ABCG2: variants seen among roughly 807,000 people sequenced by gnomAD.
ABCG2 encodes the protein broad substrate specificity ATP-binding cassette transporter ABCG2.
Under a neutral mutation model 73.5 loss-of-function variants are expected in ABCG2, and 80 were observed. The ratio of observed to expected loss-of-function variants is 1.09; its 90% CI spans 0.91 to 1.31. The LOEUF (loss-of-function observed/expected upper bound fraction) is 1.31, where lower values mean the gene tolerates loss of function less well. Ranked by LOEUF, ABCG2 falls within the 50% of genes most tolerant of loss-of-function variation. The pLI is 0.00. For missense variants in ABCG2, 796 were observed against 786.2 expected, an observed-to-expected ratio of 1.01 and a Z score of -0.15; for synonymous variants, 269 against 282.4, an observed-to-expected ratio of 0.95 and a Z score of 0.48.
At chr4:88,123,812 A>C (rs1211615989) in intron 5 of ABCG2, among the ~76,000 whole-genome samples, 1 of 152,188 alleles carries the variant, frequency 6.6e-6, no homozygotes, top group Non-Finnish European at 1.5e-5. Flanking sequence ...GGAAATAAAG[A>C]GAACAGCACA....
chr4:88,131,840 G>T lies in ABCG2; in HGVS notation c.341C>A (p.Pro114His), dbSNP rs1724901463. 24 of 1,613,780 alleles carry T rather than the reference G, an allele frequency of 1.5e-5. No individual in the cohort carries two copies. Among genetic ancestry groups the T allele is most frequent in the Non-Finnish European group, 2.0e-5 (24 of 1,179,960 alleles). Residue 114 changes from proline to histidine, a missense_variant, in exon 4 of 16, where the codon CCT (proline) becomes CAT (histidine). By Grantham distance (77) the Pro-to-His change is moderately conservative. Transcript: ENST00000237612. ...ACCTGAATTACATTTGAAATTGGCA[G>T]GTCGCGGTGCTCCATTTATCAGAAC... Reference protein sequence around the residue: ...GDVLINGAPRPANFKCNSGYV... With the variant: ...GDVLINGAPRHANFKCNSGYV...
In ABCG2 at chr4:88,131,127, A is replaced by G. The variant is rs1254569164; in HGVS notation, c.465T>C (p.His155=). 1.9e-6 allele frequency: 3 copies of G among 1,613,872 alleles called. No individual in the cohort carries two copies. The highest frequency in any genetic ancestry group is 2.2e-5 in the East Asian group (1 of 44,874). Residue 155 remains histidine, a synonymous_variant, in exon 5 of 16, where the codon CAT becomes CAC. Transcript: ENST00000237612. The part of the protein sequence containing the change: ...ALRLATTMTN[H]EKNERINRVI... Reference sequence around the variant, plus strand: ...CCCTGTTAATCCGTTCGTTTTTTTCATGATTCGTCATAGTTGTTGCAAGCC... The same window carrying G: ...CCCTGTTAATCCGTTCGTTTTTTTCGTGATTCGTCATAGTTGTTGCAAGCC...
At chr4:88,189,377 G>A (rs935001797) in intron 1 of ABCG2, among the ~76,000 whole-genome samples, 4 of 152,162 alleles carry the variant, frequency 2.6e-5, no homozygotes, top group Admixed American at 1.3e-4. Context: ...AGCTGAGCAT[G>A]GTGGCACATG....
At chr4:88,149,732 C>T (rs985752067) in intron 1 of ABCG2, among the ~76,000 whole-genome samples, 2 of 152,046 alleles carry the variant, frequency 1.3e-5, no homozygotes, top group East Asian at 1.9e-4. Flanking sequence ...ATGCCTGTAA[C>T]CCCAGCCACT....
At chr4:88,211,478 G>A (rs1029802579) in intron 1 of ABCG2, among the ~76,000 whole-genome samples, 1 of 151,646 alleles carries the variant, frequency 6.6e-6, no homozygotes, top group Non-Finnish European at 1.5e-5. Flanking sequence ...GTGCAATGGC[G>A]CGATCTCCGC....
intron 1 of ABCG2, among the ~76,000 whole-genome samples, chr4:88,171,386 G>A (rs1439589196): frequency 1.3e-5 from 2 of 148,966 alleles, no homozygotes; most frequent in Non-Finnish European, 3.0e-5. Flanking sequence ...GAACTAAAGA[G>A]ATGACTTAAA....
intron 1 of ABCG2, among the ~76,000 whole-genome samples, chr4:88,205,144 G>A (rs1052119168): frequency 6.6e-6 from 1 of 152,172 alleles, no homozygotes; most frequent in African/African-American, 2.4e-5. Context: ...AATGTCTAAT[G>A]AATTCCTGTA....
intron 9 of ABCG2, among the ~76,000 whole-genome samples, chr4:88,107,489 T>C (rs1722842281): frequency 6.6e-6 from 1 of 151,818 alleles, no homozygotes; most frequent in African/African-American, 2.4e-5. Context: ...TTGGGGAGAG[T>C]GGTAGGACAC....
At chr4:88,169,413 T>TGCA (rs1287243214) in intron 1 of ABCG2, among the ~76,000 whole-genome samples, 1 of 152,200 alleles carries the variant, frequency 6.6e-6, no homozygotes, top group South Asian at 2.1e-4. Context: ...TCATATATTT[T>TGCA]GCAGGTCATA....
chr4:88,100,490 G>A (rs13147761), intron 11 of ABCG2, among the ~76,000 whole-genome samples: 35,771 of 148,928 alleles, frequency 0.24, 5,873 homozygotes, highest in Non-Finnish European at 0.35. Context: ...GAGACAGAGC[G>A]AGCGAGACTC....
At chr4:88,205,371 T>A (rs974110802) in intron 1 of ABCG2, among the ~76,000 whole-genome samples, 4 of 152,250 alleles carry the variant, frequency 2.6e-5, no homozygotes, top group African/African-American at 9.6e-5. Flanking sequence ...TTTTGAATTA[T>A]GTTTTGAAAG....
At chr4:88,168,461 T>C (rs532768088) in intron 1 of ABCG2, among the ~76,000 whole-genome samples, 2 of 149,220 alleles carry the variant, frequency 1.3e-5, no homozygotes, top group African/African-American at 5.0e-5. Flanking sequence ...CACTCCACCC[T>C]GGTGACAGAG....
chr4:88,202,374 A>G (rs116017006), intron 1 of ABCG2, among the ~76,000 whole-genome samples: 19,992 of 115,802 alleles, frequency 0.17, 3,630 homozygotes, highest in Non-Finnish European at 0.23. Flanking sequence ...ATATATATAT[A>G]TATGTATATT....
chr4:88,180,640 T>C (rs1204444971), intron 1 of ABCG2, among the ~76,000 whole-genome samples: 2 of 152,130 alleles, frequency 1.3e-5, no homozygotes, highest in Admixed American at 1.3e-4. Flanking sequence ...AGCAGCTAGC[T>C]ACTCAGGAGG....
intron 1 of ABCG2, among the ~76,000 whole-genome samples, chr4:88,157,056 C>T (rs1313974169): frequency 1.3e-5 from 2 of 152,148 alleles, no homozygotes; most frequent in African/African-American, 2.4e-5. Flanking sequence ...GAGCTGAGAT[C>T]GTGCCACTGC....
intron 1 of ABCG2, among the ~76,000 whole-genome samples, chr4:88,189,078 C>T (rs1012148342): frequency 2.0e-5 from 3 of 152,046 alleles, no homozygotes; most frequent in African/African-American, 4.8e-5. Flanking sequence ...TCTGCATATT[C>T]GTTTACATTT....
chr4:88,209,013 C>T (rs567465696), intron 1 of ABCG2, among the ~76,000 whole-genome samples: 31 of 139,926 alleles, frequency 2.2e-4, no homozygotes, highest in African/African-American at 8.0e-4. Context: ...AAAAACAAAA[C>T]AAAACAGTTC....
At chr4:88,159,099 G>C (rs1310250436), upstream of ABCG2, 1 of 455,736 alleles carries the variant, frequency 2.2e-6, no homozygotes, top group Non-Finnish European at 4.4e-6. Context: ...TCACCCTGCC[G>C]TGACACGCAG....
At chr4:88,132,549 C>T (rs370105141) in intron 3 of ABCG2, 27 bp downstream of exon 3, 40 of 1,612,776 alleles carry the variant, frequency 2.5e-5, no homozygotes, top group East Asian at 1.3e-4. Context: ...GCACAGAAAA[C>T]GCTTACTTAT....
Sources: allele counts gnomAD v4.1 joint callset (sites outside exome capture counted in the v4.1 genomes callset), GRCh38; gene constraint gnomAD v4.1.1; transcripts MANE v1.5; gene names NCBI Gene and HGNC (gene_info 2026-07-23, HGNC 2026-07-21).